CDH18: variants seen among roughly 807,000 people sequenced by gnomAD.
The protein encoded by CDH18 is cadherin-18.
A neutral mutation model predicts 67.9 loss-of-function variants in CDH18; 31 were observed. That is an observed-to-expected ratio of 0.46 (90% confidence interval 0.34 to 0.62). The LOEUF (loss-of-function observed/expected upper bound fraction) is 0.62. CDH18 is among the 20% of genes least tolerant of loss of function. The pLI is 0.01. For missense variants in CDH18, 890 were observed against 975.5 expected, an observed-to-expected ratio of 0.91 and a Z score of 1.17; for synonymous variants, 362 against 347.2, an observed-to-expected ratio of 1.04 and a Z score of -0.48.
At chr5:19,696,049 TA>T (rs138224662) in intron 5 of CDH18, among the ~76,000 whole-genome samples, 3,232 of 152,274 alleles carry the variant, frequency 0.021, 89 homozygotes, top group African/African-American at 0.061. Context: ...TAAAAAACTT[TA>T]AAACTTATAT....
At chr5:20,012,392 C>T (rs77061218) in intron 2 of CDH18, among the ~76,000 whole-genome samples, 10 of 80,752 alleles carry the variant, frequency 1.2e-4, no homozygotes, top group Admixed American at 8.8e-4. Flanking sequence ...AAAAAAAAAA[C>T]ACCAGCTCCT....
intron 2 of CDH18, among the ~76,000 whole-genome samples, chr5:20,034,949 G>A (rs141331760): frequency 6.6e-6 from 1 of 152,012 alleles, no homozygotes; most frequent in Non-Finnish European, 1.5e-5. Flanking sequence ...TTATATTAAA[G>A]CATGTAAGGT....
At chr5:20,113,093 C>A (rs1747615948) in intron 2 of CDH18, among the ~76,000 whole-genome samples, 2 of 152,160 alleles carry the variant, frequency 1.3e-5, no homozygotes, top group African/African-American at 4.8e-5. Context: ...AACACAAATG[C>A]TACTAATAGG....
chr5:19,619,196 T>C (rs1287786187), intron 5 of CDH18, among the ~76,000 whole-genome samples: 1 of 152,216 alleles, frequency 6.6e-6, no homozygotes, highest in African/African-American at 2.4e-5. Context: ...TCTTCATTCA[T>C]CATTGGCAAT....
chr5:19,744,503 T>TACACAC (rs34059092), intron 4 of CDH18, among the ~76,000 whole-genome samples: 6,859 of 146,288 alleles, frequency 0.047, 286 homozygotes, highest in African/African-American at 0.11. Flanking sequence ...TAACTCAGTG[T>TACACAC]ACACACACAC....
chr5:20,415,016 T>G (rs1203613435), intron 1 of CDH18, among the ~76,000 whole-genome samples: 4 of 152,168 alleles, frequency 2.6e-5, no homozygotes, highest in African/African-American at 9.7e-5. Flanking sequence ...GATTGGTATA[T>G]CCAAAAGATA....
intron 2 of CDH18, among the ~76,000 whole-genome samples, chr5:20,009,897 T>C (rs559112703): frequency 6.6e-6 from 1 of 152,312 alleles, no homozygotes; most frequent in East Asian, 1.9e-4. Context: ...ATAATGAATG[T>C]GCTATGCTTG....
At chr5:19,674,459 A>G (rs1423228285) in intron 5 of CDH18, among the ~76,000 whole-genome samples, 2 of 152,048 alleles carry the variant, frequency 1.3e-5, no homozygotes. Flanking sequence ...AATTTTTTCT[A>G]ACAATTTTTC....
intron 2 of CDH18, among the ~76,000 whole-genome samples, chr5:19,945,450 T>G (rs933362199): frequency 2.0e-5 from 3 of 152,128 alleles, no homozygotes; most frequent in Non-Finnish European, 2.9e-5. Context: ...ATATTGTATC[T>G]AGAAGTCCAG....
intron 2 of CDH18, among the ~76,000 whole-genome samples, chr5:19,914,363 C>T (rs1791512017): frequency 6.6e-6 from 1 of 152,014 alleles, no homozygotes. Flanking sequence ...ACCCTCTATA[C>T]TCCCAGTAAA....
chr5:20,105,350 A>C (rs1347324087), intron 2 of CDH18, among the ~76,000 whole-genome samples: 1 of 152,208 alleles, frequency 6.6e-6, no homozygotes, highest in Non-Finnish European at 1.5e-5. Flanking sequence ...CAAAAGGAAA[A>C]GAAAAACTTG....
intron 1 of CDH18, among the ~76,000 whole-genome samples, chr5:20,574,129 T>A (rs888893321): frequency 6.6e-6 from 1 of 151,510 alleles, no homozygotes; most frequent in African/African-American, 2.4e-5. Context: ...GTAGCTGTAA[T>A]AATACTTGCA....
At chr5:20,273,067 G>T (rs1745554629) in intron 1 of CDH18, among the ~76,000 whole-genome samples, 2 of 151,976 alleles carry the variant, frequency 1.3e-5, no homozygotes. Context: ...ATTTATTTAG[G>T]AAATTTCCAT....
At chr5:19,770,047 G>A (rs1773555261) in intron 3 of CDH18, among the ~76,000 whole-genome samples, 1 of 151,956 alleles carries the variant, frequency 6.6e-6, no homozygotes, top group Non-Finnish European at 1.5e-5. Flanking sequence ...GTCATTAGGA[G>A]AGCTAAAGTT....
At chr5:19,859,711 T>G (rs1018118831) in intron 2 of CDH18, among the ~76,000 whole-genome samples, 1 of 152,142 alleles carries the variant, frequency 6.6e-6, no homozygotes, top group African/African-American at 2.4e-5. Flanking sequence ...CCATTTCCAG[T>G]TGTCCTGCCT....
chr5:19,562,556 A>T (rs180951994), intron 8 of CDH18, among the ~76,000 whole-genome samples: 157 of 152,278 alleles, frequency 1.0e-3, no homozygotes, highest in African/African-American at 3.7e-3. Flanking sequence ...AGGCTGAGAA[A>T]ATACTTTTAA....
chr5:20,070,187 T>G (rs1392060242), intron 2 of CDH18, among the ~76,000 whole-genome samples: 1 of 152,252 alleles, frequency 6.6e-6, no homozygotes, highest in South Asian at 2.1e-4. Context: ...TTGGTAATAT[T>G]CATTTGTGAT....
At chr5:19,993,240 C>T (rs1345256182) in intron 2 of CDH18, among the ~76,000 whole-genome samples, 1 of 151,950 alleles carries the variant, frequency 6.6e-6, no homozygotes, top group African/African-American at 2.4e-5. Context: ...GACTTAGAAC[C>T]AAAACCTGTG....
chr5:19,920,791 C>T (rs542649195), intron 2 of CDH18, among the ~76,000 whole-genome samples: 5 of 151,776 alleles, frequency 3.3e-5, no homozygotes, highest in South Asian at 2.1e-4. Flanking sequence ...GGATTACAGG[C>T]GTAAGCCACC....
Sources: gnomAD v4.1 joint callset for allele counts (sites outside exome capture counted in the v4.1 genomes callset) on GRCh38, gnomAD v4.1.1 for gene constraint, MANE v1.5 for transcripts, NCBI Gene and HGNC (gene_info 2026-07-23, HGNC 2026-07-21) for gene names.